The following NAALADL2 variants were observed in gnomAD, a reference collection of about 807,000 sequenced individuals.
NAALADL2 encodes inactive N-acetylated-alpha-linked acidic dipeptidase-like protein 2.
NAALADL2 carries 76 observed loss-of-function variants against 87.2 expected under a neutral mutation model. That is an observed-to-expected ratio of 0.87 (90% CI 0.72 to 1.05). The LOEUF (loss-of-function observed/expected upper bound fraction) is 1.05. Among genes scored for constraint, NAALADL2 ranks in the 50% least tolerant of loss-of-function variants. NAALADL2 has a pLI of 0.00. For synonymous variants in NAALADL2, 354 were observed against 331.0 expected, an observed-to-expected ratio of 1.07 and a Z score of -0.75; for missense variants, 1,089 against 945.8, an observed-to-expected ratio of 1.15 and a Z score of -1.99.
chr3:174,768,962 C>G (rs573960629), intron 3 of NAALADL2, among the ~76,000 whole-genome samples: 1 of 151,706 alleles, frequency 6.6e-6, no homozygotes, highest in Admixed American at 6.6e-5. Flanking sequence ...ATTAACTTAT[C>G]GCTATGGGTT....
chr3:175,593,340 T>G (rs1036502711), intron 10 of NAALADL2, among the ~76,000 whole-genome samples: 2 of 152,218 alleles, frequency 1.3e-5, no homozygotes, highest in African/African-American at 4.8e-5. Context: ...TTATGTTTTC[T>G]TTTCTCTTCA....
At chr3:175,680,339 C>T (rs1735418108) in intron 11 of NAALADL2, among the ~76,000 whole-genome samples, 1 of 152,138 alleles carries the variant, frequency 6.6e-6, no homozygotes, top group Non-Finnish European at 1.5e-5. Context: ...GATTTATTTA[C>T]TTGTTCTAGC....
chr3:174,804,810 C>G (rs142852175), intron 3 of NAALADL2, among the ~76,000 whole-genome samples: 3 of 152,120 alleles, frequency 2.0e-5, no homozygotes, highest in Admixed American at 6.6e-5. Context: ...GAAGGACTTA[C>G]GTTTTGAAAA....
In NAALADL2 at chr3:175,652,623, C is replaced by T. The variant is rs541623356; in HGVS notation, c.1896+25237C>T. Reference sequence around the variant, plus strand: ...CCTCCCGAGTAGCTGGGACTACAGGCGCCCACCACCGCGCCCGGCTAATTT... The same window carrying T: ...CCTCCCGAGTAGCTGGGACTACAGGTGCCCACCACCGCGCCCGGCTAATTT... On this transcript the variant is annotated intron_variant, in intron 11 of 13. Coordinates refer to ENST00000454872, the MANE Select transcript of NAALADL2 (RefSeq NM_207015.3). 2.4e-4 allele frequency among the ~76,000 whole-genome samples: 37 copies of T among 151,780 alleles called. No individual in the cohort carries two copies. The East Asian group carries it at 4.9e-3, about 20-fold the overall frequency.
intron 2 of NAALADL2, among the ~76,000 whole-genome samples, chr3:175,129,303 T>G (rs1727437419): frequency 6.6e-6 from 1 of 152,170 alleles, no homozygotes; most frequent in African/African-American, 2.4e-5. Flanking sequence ...TGTGTGTGTG[T>G]GTGGTGAGAA....
At chr3:175,077,630 T>C (rs1315167843) in intron 1 of NAALADL2, among the ~76,000 whole-genome samples, 2 of 152,168 alleles carry the variant, frequency 1.3e-5, no homozygotes, top group Admixed American at 1.3e-4. Context: ...AACAGAAGTA[T>C]AAAGGCAATG....
chr3:175,778,531 A>G (rs1484318749), intron 13 of NAALADL2, among the ~76,000 whole-genome samples: 2 of 152,196 alleles, frequency 1.3e-5, no homozygotes, highest in African/African-American at 4.8e-5. Context: ...AAGTCAGTTG[A>G]GAATTATGGG....
intron 5 of NAALADL2, among the ~76,000 whole-genome samples, chr3:175,410,517 A>T (rs1228573129): frequency 6.6e-6 from 1 of 152,148 alleles, no homozygotes; most frequent in Non-Finnish European, 1.5e-5. Flanking sequence ...GGACTTACTC[A>T]TGCCAGGCAT....
At chr3:174,690,242 G>T (rs969073617) in intron 2 of NAALADL2, among the ~76,000 whole-genome samples, 1 of 150,552 alleles carries the variant, frequency 6.6e-6, no homozygotes, top group East Asian at 1.9e-4. Flanking sequence ...TGTGATTAAA[G>T]TAAGACGATC....
At chr3:174,894,578 G>C in intron 1 of NAALADL2, among the ~76,000 whole-genome samples, 1 of 74,248 alleles carries the variant, frequency 1.3e-5, no homozygotes, top group Admixed American at 2.0e-4. Flanking sequence ...TGGGCAAAAA[G>C]AGTGAAACTC....
chr3:175,533,092 C>A (rs1274413780), intron 9 of NAALADL2, among the ~76,000 whole-genome samples: 2 of 152,058 alleles, frequency 1.3e-5, no homozygotes, highest in Non-Finnish European at 2.9e-5. Flanking sequence ...CTCTTAGAAC[C>A]TTTTTTATCT....
At chr3:174,771,539 G>C (rs1253021667) in intron 3 of NAALADL2, among the ~76,000 whole-genome samples, 7 of 152,142 alleles carry the variant, frequency 4.6e-5, no homozygotes, top group Non-Finnish European at 1.0e-4. Context: ...TAATGTGTCG[G>C]GTGCATGAGC....
At chr3:174,929,972 G>A (rs1489749390) in intron 1 of NAALADL2, among the ~76,000 whole-genome samples, 5 of 152,080 alleles carry the variant, frequency 3.3e-5, no homozygotes, top group Non-Finnish European at 7.4e-5. Flanking sequence ...CAATAATAAT[G>A]AACTCTTTTA....
At chr3:175,285,267 A>T (rs1407327322) in intron 4 of NAALADL2, among the ~76,000 whole-genome samples, 2 of 152,174 alleles carry the variant, frequency 1.3e-5, no homozygotes, top group African/African-American at 4.8e-5. Flanking sequence ...TTGTTTTTTA[A>T]AAAGGTATGG....
At chr3:175,286,976 T>G (rs11921052) in intron 4 of NAALADL2, among the ~76,000 whole-genome samples, 148 of 107,226 alleles carry the variant, frequency 1.4e-3, no homozygotes, top group African/African-American at 2.6e-3. Flanking sequence ...GAGGGTATGG[T>G]GGGGGTGGAG....
rs184922985 is a variant in NAALADL2 at position 175,706,618 on chromosome 3, T to C, written c.1897-30688T>C. Among the ~76,000 whole-genome samples the C allele has an allele frequency of 1.6e-3, 245 of 152,286 alleles. 1 individual carries two copies. Among genetic ancestry groups the C allele is most frequent in the African/African-American group, 5.7e-3 (237 of 41,570 alleles). On this transcript the variant is annotated intron_variant, in intron 11 of 13. Coordinates refer to ENST00000454872, the MANE Select transcript of NAALADL2 (RefSeq NM_207015.3). ...CTTACCAAAGGATCATTGTCTCATA[T>C]AGTCACATTGTCTCCCAGAATCCCA...
rs1281699298 is a variant in NAALADL2, at chr3:175,173,960, G to A, written c.546-59971G>A. Among the ~76,000 whole-genome samples the A allele has an allele frequency of 5.8e-5, 3 of 51,376 alleles. No homozygotes were observed. In the East Asian group the frequency reaches 2.9e-3, roughly 49 times the overall value. 33.7% of individuals were successfully genotyped at this position (51,376 alleles called of 152,430 possible). ...TTGTGCTTTTAAGGATGATTCTTCA[G>A]TTTGAATTTTTTTTTTAACTTTGGT... On this transcript the variant is annotated intron_variant, in intron 2 of 13. Coordinates refer to ENST00000454872, the MANE Select transcript of NAALADL2 (RefSeq NM_207015.3).
intron 4 of NAALADL2, among the ~76,000 whole-genome samples, chr3:175,311,908 A>G (rs982637841): frequency 1.3e-5 from 2 of 152,186 alleles, no homozygotes; most frequent in African/African-American, 2.4e-5. Flanking sequence ...AGATACATCA[A>G]GTAAAGCAAT....
At chr3:175,335,491 CAT>C (rs1339926401) in intron 5 of NAALADL2, among the ~76,000 whole-genome samples, 8 of 152,180 alleles carry the variant, frequency 5.3e-5, no homozygotes, top group African/African-American at 1.7e-4. Context: ...CTAAGAACCA[CAT>C]GTTAGGTATG....
Sources: allele counts gnomAD v4.1 joint callset (sites outside exome capture counted in the v4.1 genomes callset), GRCh38; gene constraint gnomAD v4.1.1; transcripts MANE v1.5; gene names NCBI Gene and HGNC (gene_info 2026-07-23, HGNC 2026-07-21).